Variants in PTP4A1 observed in about 807,000 individuals in gnomAD.
PTP4A1 encodes the protein protein tyrosine phosphatase type IVA 1.
A neutral mutation model predicts 20.5 loss-of-function variants in PTP4A1; 9 were observed. That is an observed-to-expected ratio of 0.44 (90% CI 0.26 to 0.77). The LOEUF is 0.77. Ranked by LOEUF, PTP4A1 falls within the 30% of genes least tolerant of loss-of-function variation. PTP4A1 has a pLI of 0.19. For synonymous variants in PTP4A1, 78 were observed against 67.4 expected (o/e 1.16, Z -0.77); for missense variants, 137 against 218.8 (o/e 0.63, Z 2.36).
intron 2 of PTP4A1, among the ~76,000 whole-genome samples, chr6:63,546,531 C>T (rs1288815388): frequency 6.6e-6 from 1 of 152,136 alleles, no homozygotes; most frequent in Non-Finnish European, 1.5e-5. Context: ...TATGGTGAAA[C>T]CCTCTCTCTA....
upstream of PTP4A1, among the ~76,000 whole-genome samples, chr6:63,518,816 GA>G (rs1185353804): frequency 6.6e-6 from 1 of 152,088 alleles, no homozygotes; most frequent in African/African-American, 2.4e-5. Context: ...ACTCAGTATT[GA>G]AAAATGCACA....
At chr6:63,557,016 CAATT>C (rs1422358219) in intron 3 of PTP4A1, among the ~76,000 whole-genome samples, 1 of 152,118 alleles carries the variant, frequency 6.6e-6, no homozygotes, top group African/African-American at 2.4e-5. Flanking sequence ...AAGCATGAAA[CAATT>C]ATAGCATGAA....
At chr6:63,563,368 T>C (rs1777047505) in intron 3 of PTP4A1, among the ~76,000 whole-genome samples, 1 of 152,106 alleles carries the variant, frequency 6.6e-6, no homozygotes, top group Non-Finnish European at 1.5e-5. Flanking sequence ...ACTCCTTGAG[T>C]ACCAACCAAA....
At chr6:63,557,168 C>T (rs746319103) in intron 3 of PTP4A1, among the ~76,000 whole-genome samples, 5 of 152,172 alleles carry the variant, frequency 3.3e-5, no homozygotes, top group Non-Finnish European at 7.3e-5. Context: ...AAATGATTAT[C>T]ATCATGGGAT....
intron 2 of PTP4A1, among the ~76,000 whole-genome samples, chr6:63,545,437 T>A (rs572043967): frequency 6.6e-6 from 1 of 152,054 alleles, no homozygotes; most frequent in South Asian, 2.1e-4. Flanking sequence ...GGGTGAAAGC[T>A]TGTCTCTACT....
At chr6:63,528,908 G>A (rs889834305) in intron 2 of PTP4A1, among the ~76,000 whole-genome samples, 14 of 152,018 alleles carry the variant, frequency 9.2e-5, no homozygotes, top group Non-Finnish European at 1.9e-4. Context: ...GACTAACATG[G>A]TGAAACCCCA....
chr6:63,525,947 A>G (rs1490669616), intron 1 of PTP4A1, among the ~76,000 whole-genome samples: 1 of 152,166 alleles, frequency 6.6e-6, no homozygotes, highest in African/African-American at 2.4e-5. Flanking sequence ...GTCTCTTCCA[A>G]TTGTCAATTG....
At chr6:63,545,349 C>T (rs1388342707) in intron 2 of PTP4A1, among the ~76,000 whole-genome samples, 2 of 152,178 alleles carry the variant, frequency 1.3e-5, no homozygotes, top group Non-Finnish European at 2.9e-5. Flanking sequence ...GTGGCTCATG[C>T]CTGTAATCCC....
intron 3 of PTP4A1, 31 bp downstream of exon 3, chr6:63,578,560 G>A (rs758906300): frequency 6.3e-7 from 1 of 1,590,350 alleles, no homozygotes; most frequent in Non-Finnish European, 8.5e-7. Context: ...ATGGGTTTAT[G>A]GTGCTGTGCT....
At chr6:63,536,052 C>A (rs1775710726) in intron 2 of PTP4A1, among the ~76,000 whole-genome samples, 1 of 149,232 alleles carries the variant, frequency 6.7e-6, no homozygotes, top group Non-Finnish European at 1.5e-5. Flanking sequence ...GGTTTACAGG[C>A]TTGAGCCACC....
chr6:63,558,227 TAA>T (rs1776774066), intron 3 of PTP4A1, among the ~76,000 whole-genome samples: 1 of 152,096 alleles, frequency 6.6e-6, no homozygotes, highest in African/African-American at 2.4e-5. Context: ...GTCATTGAAT[TAA>T]GTTATTGCAA....
At chr6:63,522,833 G>A (rs570496684) in intron 1 of PTP4A1, among the ~76,000 whole-genome samples, 111 of 150,758 alleles carry the variant, frequency 7.4e-4, no homozygotes, top group South Asian at 3.8e-3. Flanking sequence ...TTGAGGTCGT[G>A]AAATGATCCC....
Position 63,576,871 on chromosome 6 carries a change from C to A in PTP4A1, c.-10C>A. ...CATAACCCTATTGAGTGTTTTTTAA[C>A]TAAATTAACATGGCTCGAATGAACC... is the stretch of plus-strand genomic sequence containing the variant. On this transcript the variant is annotated 5_prime_UTR_variant, in exon 2 of 6. Transcript: ENST00000626021. 6.2e-7 allele frequency: 1 copy of A among 1,603,472 alleles called. No individual in the cohort carries two copies. Among genetic ancestry groups the A allele is most frequent in the Non-Finnish European group, 8.5e-7 (1 of 1,176,082 alleles).
intron 1 of PTP4A1, among the ~76,000 whole-genome samples, chr6:63,526,803 G>GTATATATATATATATATATA (rs376671990): frequency 4.8e-4 from 49 of 101,416 alleles, no homozygotes; most frequent in African/African-American, 1.6e-3. Context: ...TCTCAAAAAT[G>GTATATATATATATATATATA]TATATATATA....
chr6:63,561,839 G>A (rs1776966424), intron 3 of PTP4A1, among the ~76,000 whole-genome samples: 1 of 152,142 alleles, frequency 6.6e-6, no homozygotes, highest in Non-Finnish European at 1.5e-5. Context: ...GAATCAGAAC[G>A]AAAGTGATTA....
chr6:63,525,858 T>TAAA (rs2149474006), intron 1 of PTP4A1, among the ~76,000 whole-genome samples: 1 of 152,362 alleles, frequency 6.6e-6, no homozygotes, highest in Admixed American at 6.5e-5. Flanking sequence ...TTTTCCTGAC[T>TAAA]AAACCCTGAC....
intron 2 of PTP4A1, chr6:63,550,183 T>A (rs1301546638): frequency 1.3e-5 from 2 of 152,232 alleles, no homozygotes; most frequent in Middle Eastern, 3.2e-3. Context: ...TGATTGGTTT[T>A]TTAATCTACA....
At chr6:63,543,877 G>A (rs985075097) in intron 2 of PTP4A1, among the ~76,000 whole-genome samples, 3 of 152,110 alleles carry the variant, frequency 2.0e-5, no homozygotes, top group South Asian at 2.1e-4. Context: ...TTTACTCTTC[G>A]TGTTTATTTG....
chr6:63,553,140 C>T (rs1193399767), intron 3 of PTP4A1, among the ~76,000 whole-genome samples: 3 of 152,086 alleles, frequency 2.0e-5, no homozygotes, highest in Non-Finnish European at 4.4e-5. Flanking sequence ...GTTTTTCCTC[C>T]AAAGTATACA....
Sources: allele counts gnomAD v4.1 joint callset (sites outside exome capture counted in the v4.1 genomes callset), GRCh38; gene constraint gnomAD v4.1.1; transcripts MANE v1.5; gene names NCBI Gene and HGNC (gene_info 2026-07-23, HGNC 2026-07-21).